Variants in CCDC85C observed in about 807,000 individuals in gnomAD.
The protein encoded by CCDC85C is coiled-coil domain-containing protein 85C.
CCDC85C carries 18 observed loss-of-function variants against 38.3 expected under a neutral mutation model. That is an observed-to-expected ratio of 0.47 (90% CI 0.33 to 0.70). The LOEUF (loss-of-function observed/expected upper bound fraction) is 0.70, where lower values mean the gene tolerates loss of function less well. Ranked by LOEUF, CCDC85C falls within the 30% of genes least tolerant of loss-of-function variation. The pLI, the probability that CCDC85C is intolerant of heterozygous loss-of-function variation, is 0.03. For missense variants in CCDC85C, 566 were observed against 621.2 expected (o/e 0.91, Z 0.94); for synonymous variants, 264 against 293.8 (o/e 0.90, Z 1.04).
At chr14:99,557,075 C>T (rs1477901577) in intron 1 of CCDC85C, among the ~76,000 whole-genome samples, 1 of 152,116 alleles carries the variant, frequency 6.6e-6, no homozygotes, top group Non-Finnish European at 1.5e-5. Flanking sequence ...TTTATAGAAC[C>T]ACGTGGGAGG....
intron 1 of CCDC85C, among the ~76,000 whole-genome samples, chr14:99,598,979 G>A (rs1432918297): frequency 6.6e-6 from 1 of 152,140 alleles, no homozygotes; most frequent in Non-Finnish European, 1.5e-5. Flanking sequence ...GCCATTGATG[G>A]ATCCCTTGGG....
intron 1 of CCDC85C, among the ~76,000 whole-genome samples, chr14:99,578,878 G>T (rs1401829626): frequency 6.6e-6 from 1 of 152,110 alleles, no homozygotes; most frequent in Non-Finnish European, 1.5e-5. Flanking sequence ...GCCGTGGAAG[G>T]CTCTAGGTGA....
At chr14:99,526,963 A>T (rs1398620048) in intron 2 of CCDC85C, among the ~76,000 whole-genome samples, 2 of 152,184 alleles carry the variant, frequency 1.3e-5, no homozygotes, top group Admixed American at 6.5e-5. Flanking sequence ...AAGCCCACCG[A>T]GATCCAGCTG....
Position 99,516,956 on chromosome 14 carries a change from T to C in CCDC85C, c.1071+132A>G. 1.3e-5 allele frequency: 11 copies of C among 829,460 alleles called. No homozygotes were observed. The South Asian group carries it at 1.7e-4, about 13-fold the overall frequency. 51.4% of individuals were successfully genotyped at this position (829,460 alleles called of 1,614,324 possible). A position where few individuals can be genotyped will look rare whatever the true frequency, so the allele number is the denominator to read the frequency against. ...CTCACAGTGCTCCAGGCAGCCATGG[T>C]CACCCAGCCACCCACACACAGATGA... On this transcript the variant is annotated intron_variant, in intron 4 of 5. Coordinates refer to ENST00000380243, the MANE Select transcript of CCDC85C (RefSeq NM_001144995.2). This position sits in a 1 kb window ranked among gnomAD's most constrained non-coding sequence, Gnocchi z 5.5.
At chr14:99,597,189 C>A (rs1032566891) in intron 1 of CCDC85C, among the ~76,000 whole-genome samples, 4 of 152,256 alleles carry the variant, frequency 2.6e-5, no homozygotes, top group South Asian at 2.1e-4. Context: ...CCACCACCCC[C>A]CAAGCCAGAC....
In CCDC85C at chr14:99,525,142, G is replaced by T. The variant is rs146005271; in HGVS notation, c.868-2902C>A. Among the ~76,000 whole-genome samples, 479 of 152,302 alleles carry T rather than the reference G, an allele frequency of 3.1e-3. 6 individuals carry two copies. Among genetic ancestry groups the T allele is most frequent in the Non-Finnish European group, 5.3e-3 (361 of 68,000 alleles). On this transcript the variant is annotated intron_variant, in intron 2 of 5. Transcript: ENST00000380243. ...CTTTTCCACTGAGGACCGGAGTTCAGGACACCTCCAGCCTGTATCCAGGGC... is the reference window on the plus strand; with the variant it reads ...CTTTTCCACTGAGGACCGGAGTTCATGACACCTCCAGCCTGTATCCAGGGC...
rs1040960258 is a variant in CCDC85C, at chr14:99,507,643, C to A, written c.*7603G>T. 6.4e-6 allele frequency: 1 copy of A among 157,326 alleles called. No homozygotes were observed. Among genetic ancestry groups the A allele is most frequent in the Admixed American group, 6.1e-5 (1 of 16,366 alleles). The allele number at this position is 157,326 out of a possible 1,614,324, so 9.7% of individuals were successfully genotyped here. A position where few individuals can be genotyped will look rare whatever the true frequency, so the allele number is the denominator to read the frequency against. ...CTGAATATTTTCCGACCTCTCACAT[C>A]CAGAAATGCTAAACTACACATTGTA... On this transcript the variant is annotated 3_prime_UTR_variant, in exon 6 of 6. Transcript: ENST00000380243.
chr14:99,554,066 C>T (rs547075647), intron 1 of CCDC85C, among the ~76,000 whole-genome samples: 6 of 152,130 alleles, frequency 3.9e-5, no homozygotes, highest in South Asian at 2.1e-4. Context: ...CCAGTGTGGT[C>T]GGCTCCACTT....
chr14:99,589,802 C>T (rs1408687669), intron 1 of CCDC85C, among the ~76,000 whole-genome samples: 1 of 152,206 alleles, frequency 6.6e-6, no homozygotes, highest in Non-Finnish European at 1.5e-5. Context: ...CTGTCATGAT[C>T]CCCAAAATAA....
At chr14:99,581,452 G>A (rs905830625) in intron 1 of CCDC85C, among the ~76,000 whole-genome samples, 1 of 152,222 alleles carries the variant, frequency 6.6e-6, no homozygotes, top group African/African-American at 2.4e-5. Flanking sequence ...CTCACACCTG[G>A]GGTCTGGCCT....
At chr14:99,555,844 AC>A (rs1897999731) in intron 1 of CCDC85C, among the ~76,000 whole-genome samples, 1 of 151,992 alleles carries the variant, frequency 6.6e-6, no homozygotes, top group African/African-American at 2.4e-5. Context: ...ACAATGGGGG[AC>A]CCTCCCAAAC....
At chr14:99,518,872 G>A (rs548393010) in intron 3 of CCDC85C, among the ~76,000 whole-genome samples, 54 of 152,266 alleles carry the variant, frequency 3.5e-4, no homozygotes, top group African/African-American at 1.2e-3. Context: ...GGGTGCCAGC[G>A]AGGGCATGGC....
chr14:99,561,123 G>C lies in CCDC85C; in HGVS notation c.794-25035C>G, dbSNP rs117864503. ...CTGAAGCCCCACCCACTACGTGCAT[G>C]GGGGGGTGCCTGCTGCCACACGCCT... On this transcript the variant is annotated intron_variant, in intron 1 of 5. Coordinates refer to ENST00000380243, the MANE Select transcript of CCDC85C (RefSeq NM_001144995.2). 2.8e-4 allele frequency among the ~76,000 whole-genome samples: 43 copies of C among 152,130 alleles called. No individual in the cohort carries two copies. In the East Asian group the frequency reaches 7.0e-3, roughly 25 times the overall value.
rs573256846 is a variant in CCDC85C, at chr14:99,504,806, G to A, written c.*10440C>T. 1 of 152,322 alleles carries A rather than the reference G, an allele frequency of 6.6e-6. No individual in the cohort carries two copies. The highest frequency in any genetic ancestry group is 2.1e-4 in the South Asian group (1 of 4,830). 9.4% of individuals were successfully genotyped at this position (152,322 alleles called of 1,614,324 possible). ...GACCGACATTAAATGTTAGACACAA[G>A]AACGGGCTACACTCCATGCCACATG... On this transcript the variant is annotated 3_prime_UTR_variant, in exon 6 of 6. Coordinates refer to ENST00000380243, the MANE Select transcript of CCDC85C (RefSeq NM_001144995.2).
At chr14:99,528,619 G>A (rs191259251) in intron 2 of CCDC85C, among the ~76,000 whole-genome samples, 190 of 152,316 alleles carry the variant, frequency 1.2e-3, no homozygotes, top group African/African-American at 4.4e-3. Context: ...GGGATGGGGT[G>A]CCCCGGCCTA....
chr14:99,562,590 G>C (rs1898138248), intron 1 of CCDC85C, among the ~76,000 whole-genome samples: 1 of 152,190 alleles, frequency 6.6e-6, no homozygotes, highest in Non-Finnish European at 1.5e-5. Context: ...AACCTGCCTA[G>C]GTTGGCCTGG....
rs1897222404 is a variant in CCDC85C, at chr14:99,516,218, C to T, written c.1140G>A (p.Lys380=). 3 of 1,551,240 alleles carry T rather than the reference C, an allele frequency of 1.9e-6. No homozygotes were observed. Among genetic ancestry groups the T allele is most frequent in the African/African-American group, 1.4e-5 (1 of 73,040 alleles). Residue 380 remains lysine, a synonymous_variant, in exon 5 of 6, where the codon AAG becomes AAA. Coordinates refer to ENST00000380243, the MANE Select transcript of CCDC85C (RefSeq NM_001144995.2). The surrounding 1 kb of genome is among the most constrained non-coding windows in gnomAD (Gnocchi z 5.5). ...ACATCTCGCGAACGATGGCCTTCTC[C>T]TTCTCACTCAGGTCCTCCTCACAGC... ...QDSCEEDLSE[K]EKAIVREMCN...
chr14:99,572,044 T>G lies in CCDC85C; in HGVS notation c.793+31123A>C, dbSNP rs1390129873. ...GCAGCAGGCACCCTTCCACGGGGCATCTCAGAGCGTGATCCCCAGAGCCCC... is the reference window on the plus strand; with the variant it reads ...GCAGCAGGCACCCTTCCACGGGGCAGCTCAGAGCGTGATCCCCAGAGCCCC... On this transcript the variant is annotated intron_variant, in intron 1 of 5. Coordinates refer to ENST00000380243, the MANE Select transcript of CCDC85C (RefSeq NM_001144995.2). The surrounding 1 kb of genome is among the most constrained non-coding windows in gnomAD (Gnocchi z 4.4). Among the ~76,000 whole-genome samples the G allele has an allele frequency of 1.3e-5, 2 of 152,090 alleles. No homozygotes were observed. Among genetic ancestry groups the G allele is most frequent in the Non-Finnish European group, 2.9e-5 (2 of 68,010 alleles).
intron 1 of CCDC85C, among the ~76,000 whole-genome samples, chr14:99,599,256 TA>T (rs893496567): frequency 3.3e-5 from 5 of 151,970 alleles, no homozygotes; most frequent in African/African-American, 1.2e-4. Flanking sequence ...ATCCGAACTT[TA>T]AAAAGTAAAT....
Sources: allele counts gnomAD v4.1 joint callset (sites outside exome capture counted in the v4.1 genomes callset), GRCh38; gene constraint gnomAD v4.1.1; non-coding constraint Gnocchi (gnomAD v3.1); transcripts MANE v1.5; gene names NCBI Gene and HGNC (gene_info 2026-07-23, HGNC 2026-07-21).